KSR2: variants seen among roughly 807,000 people sequenced by gnomAD.
KSR2 encodes the protein kinase suppressor of ras 2.
In KSR2, 25 loss-of-function variants were observed where a neutral mutation model predicts 107.8. The ratio of observed to expected loss-of-function variants is 0.23; its 90% confidence interval spans 0.17 to 0.32. KSR2 has a LOEUF of 0.32. Among genes scored for constraint, KSR2 ranks in the 10% least tolerant of loss-of-function variants. KSR2 has a pLI of 1.00. For missense variants in KSR2, 887 were observed against 1,268.9 expected, an observed-to-expected ratio of 0.70 and a Z score of 4.57; for synonymous variants, 480 against 507.0, an observed-to-expected ratio of 0.95 and a Z score of 0.71.
At chr12:117,827,670 T>G (rs2137101601) in intron 3 of KSR2, among the ~76,000 whole-genome samples, 1 of 152,378 alleles carries the variant, frequency 6.6e-6, no homozygotes, top group Admixed American at 6.5e-5. Flanking sequence ...ATTTAGCACT[T>G]ACAATGTATA....
At chr12:117,799,450 G>A (rs1403309675) in intron 3 of KSR2, among the ~76,000 whole-genome samples, 1 of 150,334 alleles carries the variant, frequency 6.7e-6, no homozygotes, top group Admixed American at 6.6e-5. Flanking sequence ...GCAGTGAGCC[G>A]AGATCGCATC....
At position 117,531,746 on chromosome 12, in the gene KSR2, G is replaced by A. The variant is rs150634382; in HGVS notation, c.1688-39C>T. Reference sequence around the variant, plus strand: ...GAAAACATCAAAGTGAGTGTCCCCAGGGAGACATCGCTTCAGGGACCAGAT... The same window carrying A: ...GAAAACATCAAAGTGAGTGTCCCCAAGGAGACATCGCTTCAGGGACCAGAT... On this transcript the variant is annotated intron_variant, in intron 10 of 19. Transcript: ENST00000339824. 682 of 1,538,234 alleles carry A rather than the reference G, an allele frequency of 4.4e-4. 4 individuals are homozygous for A. The African/African-American group carries it at 8.4e-3, about 19-fold the overall frequency.
intron 3 of KSR2, among the ~76,000 whole-genome samples, chr12:117,779,484 C>T (rs183068827): frequency 6.6e-6 from 1 of 152,260 alleles, no homozygotes; most frequent in Admixed American, 6.5e-5. Flanking sequence ...AAAAACCAAG[C>T]AAGCAGTGGG....
intron 14 of KSR2, among the ~76,000 whole-genome samples, chr12:117,523,992 A>G (rs1387103755): frequency 6.6e-6 from 1 of 152,168 alleles, no homozygotes; most frequent in South Asian, 2.1e-4. Flanking sequence ...AAGAATCTTA[A>G]TCAGGGGTTT....
intron 1 of KSR2, among the ~76,000 whole-genome samples, chr12:117,904,208 C>T (rs1000119473): frequency 4.6e-5 from 7 of 152,274 alleles, no homozygotes; most frequent in Non-Finnish European, 8.8e-5. Flanking sequence ...CTGTGATCAT[C>T]GGGCCTCTTA....
At chr12:117,801,951 C>T (rs139950624) in intron 3 of KSR2, among the ~76,000 whole-genome samples, 1 of 152,068 alleles carries the variant, frequency 6.6e-6, no homozygotes, top group African/African-American at 2.4e-5. Context: ...AAAAGGGTGA[C>T]TGAAAAGGCA....
intron 3 of KSR2, among the ~76,000 whole-genome samples, chr12:117,774,460 C>T (rs1163029100): frequency 6.6e-6 from 1 of 152,182 alleles, no homozygotes; most frequent in Non-Finnish European, 1.5e-5. Flanking sequence ...TAGAACCAAA[C>T]AAATGCACTG....
chr12:117,579,045 G>T, intron 7 of KSR2, 74 bp downstream of exon 7: 2 of 1,023,366 alleles, frequency 2.0e-6, no homozygotes, highest in Middle Eastern at 2.0e-4. Context: ...ACTCCCAAAG[G>T]CTGTTCAGTG....
intron 3 of KSR2, among the ~76,000 whole-genome samples, chr12:117,845,015 G>A (rs1056239622): frequency 2.6e-5 from 4 of 152,004 alleles, no homozygotes; most frequent in East Asian, 1.9e-4. Flanking sequence ...GCGTGGTGGC[G>A]GGTGCCTGTA....
chr12:117,509,556 T>C (rs1318631442), intron 14 of KSR2, among the ~76,000 whole-genome samples: 4 of 152,220 alleles, frequency 2.6e-5, no homozygotes, highest in East Asian at 1.9e-4. Flanking sequence ...TTCAGTGCTA[T>C]GAGAACTTGT....
chr12:117,472,033 A>G (rs1459509803), intron 17 of KSR2, among the ~76,000 whole-genome samples: 1 of 151,980 alleles, frequency 6.6e-6, no homozygotes, highest in African/African-American at 2.4e-5. Flanking sequence ...AAAGAAAAAA[A>G]GAGGTTTGAC....
chr12:117,940,059 A>G (rs1227347501), intron 1 of KSR2, among the ~76,000 whole-genome samples: 2 of 152,128 alleles, frequency 1.3e-5, no homozygotes, highest in Non-Finnish European at 2.9e-5. Context: ...TCTGCTTTTT[A>G]TAAAATACCA....
chr12:117,484,651 A>G (rs139454682), intron 15 of KSR2, 102 bp from the exon 16 acceptor site: 1 of 1,191,792 alleles, frequency 8.4e-7, no homozygotes, highest in Non-Finnish European at 1.2e-6. Flanking sequence ...TTGGCTCCCT[A>G]ATGGGACCAC....
At chr12:117,833,467 A>G (rs1000080405) in intron 3 of KSR2, among the ~76,000 whole-genome samples, 1 of 152,074 alleles carries the variant, frequency 6.6e-6, no homozygotes, top group African/African-American at 2.4e-5. Flanking sequence ...GGCTCAAGAG[A>G]TCCTCCAGCC....
At position 117,861,019 on chromosome 12, in the gene KSR2, T is replaced by A. The variant is rs573311488; in HGVS notation, c.181-588A>T. On this transcript the variant is annotated intron_variant, in intron 1 of 19. Transcript: ENST00000339824. ...CAGGCGTGAGCCACTGCGCCCGGCC[T>A]GCACACATGCTTTGATCCAACAATT... is the stretch of plus-strand genomic sequence containing the variant. Among the ~76,000 whole-genome samples, 8 of 152,152 alleles carry A rather than the reference T, an allele frequency of 5.3e-5. No individual in the cohort carries two copies. The East Asian group carries it at 1.6e-3, about 29-fold the overall frequency.
At chr12:117,583,596 C>T (rs1565912146) in intron 5 of KSR2, among the ~76,000 whole-genome samples, 1 of 152,056 alleles carries the variant, frequency 6.6e-6, no homozygotes, top group Admixed American at 6.6e-5. Flanking sequence ...TTCTTTCATC[C>T]CTTAGGCTAA....
intron 4 of KSR2, among the ~76,000 whole-genome samples, chr12:117,683,746 CA>C (rs1885461417): frequency 6.6e-6 from 1 of 152,088 alleles, no homozygotes; most frequent in Non-Finnish European, 1.5e-5. Context: ...AGGTCTAGGG[CA>C]AGAGAGGAAT....
intron 5 of KSR2, among the ~76,000 whole-genome samples, chr12:117,620,543 A>G (rs1882138867): frequency 6.6e-6 from 1 of 152,222 alleles, no homozygotes; most frequent in Non-Finnish European, 1.5e-5. Context: ...AAGTACATGC[A>G]GCACAAATAG....
At chr12:117,499,274 C>G (rs1873224091) in intron 14 of KSR2, among the ~76,000 whole-genome samples, 1 of 152,220 alleles carries the variant, frequency 6.6e-6, no homozygotes, top group African/African-American at 2.4e-5. Flanking sequence ...GGATAGCCCC[C>G]ACGGTGTTAG....
Sources: gnomAD v4.1 joint callset for allele counts (sites outside exome capture counted in the v4.1 genomes callset) on GRCh38, gnomAD v4.1.1 for gene constraint, MANE v1.5 for transcripts, NCBI Gene and HGNC (gene_info 2026-07-23, HGNC 2026-07-21) for gene names.